Variants in RXRA observed in about 807,000 individuals in gnomAD.
RXRA encodes retinoic acid receptor RXR-alpha.
A neutral mutation model predicts 44.5 loss-of-function variants in RXRA; 5 were observed. That is an observed-to-expected ratio of 0.11 (90% CI 0.06 to 0.24). RXRA has a LOEUF of 0.24. RXRA is among the 10% of genes least tolerant of loss of function. RXRA has a pLI of 1.00. For missense variants in RXRA, 412 were observed against 646.5 expected (o/e 0.64, Z 3.93); for synonymous variants, 291 against 271.4 (o/e 1.07, Z -0.71).
intron 6 of RXRA, among the ~76,000 whole-genome samples, chr9:134,427,470 T>G (rs961526228): frequency 2.6e-5 from 4 of 152,224 alleles, no homozygotes; most frequent in Non-Finnish European, 4.4e-5. Flanking sequence ...GCCGTCTGCA[T>G]GCTCCCACGG....
At chr9:134,356,521 G>A (rs1055272962) in intron 1 of RXRA, among the ~76,000 whole-genome samples, 4 of 152,206 alleles carry the variant, frequency 2.6e-5, no homozygotes, top group South Asian at 4.1e-4. Context: ...TCTGCGGGAT[G>A]GAGGCCCTTC....
rs1158002395 is a variant in RXRA at position 134,439,137 on chromosome 9, A to T, written c.*2523A>T. The stretch of plus-strand genomic sequence containing the variant: ...CAGTTCAATTAAGGTGATTTTTTGT[A>T]ATTATTATTATTTTGGTGGGACAAT... On this transcript the variant is annotated 3_prime_UTR_variant, in exon 10 of 10. Coordinates refer to ENST00000481739, the MANE Select transcript of RXRA (RefSeq NM_002957.6). 1 of 152,122 alleles carries T rather than the reference A, an allele frequency of 6.6e-6. No individual in the cohort carries two copies. The highest frequency in any genetic ancestry group is 1.5e-5 in the Non-Finnish European group (1 of 68,018). 9.4% of individuals were successfully genotyped at this position (152,122 alleles called of 1,614,324 possible). A position where few individuals can be genotyped will look rare whatever the true frequency, so the allele number is the denominator to read the frequency against.
chr9:134,355,790 A>G (rs575647757), intron 1 of RXRA, among the ~76,000 whole-genome samples: 1 of 152,106 alleles, frequency 6.6e-6, no homozygotes, highest in Non-Finnish European at 1.5e-5. Flanking sequence ...CCGTTGTGCA[A>G]CCTGCAGCTG....
rs530347636 is a variant in RXRA, at chr9:134,353,096, G to C, written c.28+26437G>C. 7.9e-5 allele frequency among the ~76,000 whole-genome samples: 12 copies of C among 152,216 alleles called. No individual in the cohort carries two copies. In the East Asian group the frequency reaches 1.2e-3, roughly 15 times the overall value. On this transcript the variant is annotated intron_variant, in intron 1 of 9. Transcript: ENST00000481739. ...CCAGGTACAGGGTCCCCTTCTGGAG[G>C]GGGGAGGAGGGGCTGGGGCTGCTGG...
chr9:134,383,794 G>A (rs908701621), intron 1 of RXRA, among the ~76,000 whole-genome samples: 1 of 152,140 alleles, frequency 6.6e-6, no homozygotes, highest in Non-Finnish European at 1.5e-5. Context: ...AGGCAGAACC[G>A]TCCCATGCCC....
chr9:134,351,999 C>T (rs1554749548), intron 1 of RXRA, among the ~76,000 whole-genome samples: 2 of 152,180 alleles, frequency 1.3e-5, no homozygotes, highest in African/African-American at 4.8e-5. Flanking sequence ...AGAGTCCTAC[C>T]AAGTTTGCCT....
rs542821384 is a variant in RXRA, at chr9:134,422,955, C to T, written c.910+1150C>T. ...CTTTCCATGCGGTAATGGTGGTGCACAGAGCCACTGCACAGAAATGCCTGC... is the reference window on the plus strand; with the variant it reads ...CTTTCCATGCGGTAATGGTGGTGCATAGAGCCACTGCACAGAAATGCCTGC... On this transcript the variant is annotated intron_variant, in intron 6 of 9. Coordinates refer to ENST00000481739, the MANE Select transcript of RXRA (RefSeq NM_002957.6). The T allele has an allele frequency of 2.1e-5, 21 of 985,476 alleles. No homozygotes were observed. The African/African-American group carries it at 3.5e-4, about 16-fold the overall frequency. 61.0% of individuals were successfully genotyped at this position (985,476 alleles called of 1,614,324 possible).
chr9:134,358,104 T>C (rs973182620), intron 1 of RXRA, among the ~76,000 whole-genome samples: 5 of 152,230 alleles, frequency 3.3e-5, no homozygotes, highest in African/African-American at 1.2e-4. Context: ...GTGGGCCGCT[T>C]CCAAGAGGGC....
Position 134,342,646 on chromosome 9 carries a change from G to C in RXRA, c.28+15987G>C, listed in dbSNP as rs971790689. Among the ~76,000 whole-genome samples, 1 of 152,152 alleles carries C rather than the reference G, an allele frequency of 6.6e-6. No homozygotes were observed. The highest frequency in any genetic ancestry group is 1.5e-5 in the Non-Finnish European group (1 of 68,006). On this transcript the variant is annotated intron_variant, in intron 1 of 9. Transcript: ENST00000481739. This position sits in a 1 kb window ranked among gnomAD's most constrained non-coding sequence, Gnocchi z 4.4. ...GCAGGTGGTGGGGCTGCGGGGCTGCGGGAGGAGGCCCCTGTGGTTCCCACA... is the reference window on the plus strand; with the variant it reads ...GCAGGTGGTGGGGCTGCGGGGCTGCCGGAGGAGGCCCCTGTGGTTCCCACA...
At chr9:134,344,185 T>G (rs1455498198) in intron 1 of RXRA, among the ~76,000 whole-genome samples, 2 of 152,172 alleles carry the variant, frequency 1.3e-5, no homozygotes, top group Non-Finnish European at 2.9e-5. Flanking sequence ...AGTACAAATG[T>G]GGACAGGTCT....
chr9:134,398,169 G>A (rs1830907634), intron 1 of RXRA, among the ~76,000 whole-genome samples: 1 of 152,092 alleles, frequency 6.6e-6, no homozygotes, highest in African/African-American at 2.4e-5. Context: ...TGGTAGAGAT[G>A]GGGTTTTGCC....
At chr9:134,405,703 C>G (rs1831039103) in intron 2 of RXRA, 1 of 152,460 alleles carries the variant, frequency 6.6e-6, no homozygotes, top group Non-Finnish European at 1.5e-5. Flanking sequence ...GCAACCTGGA[C>G]CTGCAGAGTC....
intron 7 of RXRA, 108 bp from the exon 8 acceptor site, chr9:134,431,797 G>A (rs1052720616): frequency 3.5e-5 from 28 of 788,806 alleles, no homozygotes; most frequent in South Asian, 2.0e-4. Context: ...CCATCTCAGC[G>A]GCCCTCGGGC....
intron 1 of RXRA, among the ~76,000 whole-genome samples, chr9:134,335,534 C>G (rs1246018526): frequency 6.6e-6 from 1 of 152,162 alleles, no homozygotes; most frequent in African/African-American, 2.4e-5. Context: ...ACTGTGTGAC[C>G]AGGCTCCTCT....
In RXRA at chr9:134,366,567, A is replaced by G. The variant is rs2119071739; in HGVS notation, c.29-35065A>G. Among the ~76,000 whole-genome samples the G allele has an allele frequency of 6.6e-6, 1 of 152,018 alleles. No homozygotes were observed. Among genetic ancestry groups the G allele is most frequent in the East Asian group, 1.9e-4 (1 of 5,142 alleles). On this transcript the variant is annotated intron_variant, in intron 1 of 9. Transcript: ENST00000481739. This position sits in a 1 kb window ranked among gnomAD's most constrained non-coding sequence, Gnocchi z 5.9. ...AGGTCCCCCGGGTGCTGGCCTGGGGACAGCACCACAGGGCCCAGCCAGGGC... is the reference window on the plus strand; with the variant it reads ...AGGTCCCCCGGGTGCTGGCCTGGGGGCAGCACCACAGGGCCCAGCCAGGGC...
chr9:134,384,404 G>A (rs1015544011), intron 1 of RXRA, among the ~76,000 whole-genome samples: 5 of 152,236 alleles, frequency 3.3e-5, no homozygotes, highest in Admixed American at 6.5e-5. Flanking sequence ...TGCTGGGGTC[G>A]CCAGCGACTG....
rs372530308 is a variant in RXRA, at chr9:134,381,562, G to A, written c.29-20070G>A. 1.3e-4 allele frequency among the ~76,000 whole-genome samples: 20 copies of A among 152,216 alleles called. No homozygotes were observed. The South Asian group carries it at 2.1e-3, about 16-fold the overall frequency. On this transcript the variant is annotated intron_variant, in intron 1 of 9. Coordinates refer to ENST00000481739, the MANE Select transcript of RXRA (RefSeq NM_002957.6). Reference sequence around the variant, plus strand: ...TGGTGGAGATGGTGGGGGCTGGGTGGGGCAGGACACCATGGTCTATGTGGC... The same window carrying A: ...TGGTGGAGATGGTGGGGGCTGGGTGAGGCAGGACACCATGGTCTATGTGGC...
chr9:134,336,787 G>A (rs573640640), intron 1 of RXRA, among the ~76,000 whole-genome samples: 1 of 152,354 alleles, frequency 6.6e-6, no homozygotes, highest in East Asian at 1.9e-4. Context: ...CGCCCCTCAG[G>A]TTCAGAAATG....
chr9:134,421,000 C>T (rs1831320767), intron 5 of RXRA, among the ~76,000 whole-genome samples: 1 of 152,244 alleles, frequency 6.6e-6, no homozygotes, highest in South Asian at 2.1e-4. Context: ...GAGAGGCCAG[C>T]CCTGTCCCCA....
Sources: gnomAD v4.1 joint callset for allele counts (sites outside exome capture counted in the v4.1 genomes callset) on GRCh38, gnomAD v4.1.1 for gene constraint, Gnocchi (gnomAD v3.1) non-coding constraint, MANE v1.5 for transcripts, NCBI Gene and HGNC (gene_info 2026-07-23, HGNC 2026-07-21) for gene names.